Variants in IL1RAP observed in about 807,000 individuals in gnomAD.
The protein encoded by IL1RAP is interleukin 1 receptor accessory protein.
IL1RAP carries 35 observed loss-of-function variants against 60.7 expected under a neutral mutation model. That is an observed-to-expected ratio of 0.58 (90% CI 0.44 to 0.76). The LOEUF is 0.76. Among genes scored for constraint, IL1RAP ranks in the 30% least tolerant of loss-of-function variants. The pLI, the probability that IL1RAP is intolerant of heterozygous loss-of-function variation, is 0.00. For missense variants in IL1RAP, 572 were observed against 693.9 expected (o/e 0.82, Z 1.97); for synonymous variants, 268 against 250.9 (o/e 1.07, Z -0.64).
At chr3:190,639,313 T>C (rs1355472159) in intron 9 of IL1RAP, among the ~76,000 whole-genome samples, 2 of 152,210 alleles carry the variant, frequency 1.3e-5, no homozygotes, top group Admixed American at 1.3e-4. Flanking sequence ...CTGATCTCGT[T>C]ATTTTTATTT....
rs891726438 is a variant in IL1RAP, at chr3:190,555,921, GATCTGTCT to G, written c.-88-204_-88-197del. 5.3e-5 allele frequency: 6 copies of G among 113,390 alleles called. No individual in the cohort carries two copies. In the Admixed American group the frequency reaches 5.7e-4, roughly 11 times the overall value. The allele number at this position is 113,390 out of a possible 1,614,324, so 7.0% of individuals were successfully genotyped here. The stretch of plus-strand genomic sequence containing the variant: ...AAAATTATATATATAGATAGATAGA[GATCTGTCT>G]ATCTATCTATCTATCTATCTATCTA... On this transcript the variant is annotated intron_variant, in intron 1 of 11. Transcript: ENST00000447382.
At chr3:190,610,345 AAGAATT>A (rs1367120808) in intron 5 of IL1RAP, among the ~76,000 whole-genome samples, 2 of 152,200 alleles carry the variant, frequency 1.3e-5, no homozygotes, top group African/African-American at 2.4e-5. Context: ...AAAGAATAAT[AAGAATT>A]AGAAATATCC....
chr3:190,521,999 G>A (rs1722062608), intron 1 of IL1RAP, among the ~76,000 whole-genome samples: 1 of 152,140 alleles, frequency 6.6e-6, no homozygotes, highest in Non-Finnish European at 1.5e-5. Context: ...GCCCACAGAA[G>A]AGGCTTGACT....
downstream of IL1RAP, chr3:190,656,132 A>T: frequency 3.3e-6 from 5 of 1,537,328 alleles, no homozygotes; most frequent in Non-Finnish European, 4.4e-6. Flanking sequence ...GAAAAGTCCA[A>T]ACATTCTGGC....
At position 190,604,249 on chromosome 3, in the gene IL1RAP, T is replaced by C. The variant is rs759884652; in HGVS notation, c.186T>C (p.His62=). The change falls in exon 4 of 12, where the codon CAT becomes CAC. Residue 62 remains histidine, a synonymous_variant. Transcript: ENST00000447382. ...TGAAATTCAACTACAGCACAGCCCA[T>C]TCAGCTGGCCTTACTCTGATCTGGT... The part of the protein sequence containing the change: ...HFLKFNYSTA[H]SAGLTLIWYW... 5 of 1,614,046 alleles carry C rather than the reference T, an allele frequency of 3.1e-6. No homozygotes were observed. Among genetic ancestry groups the C allele is most frequent in the Non-Finnish European group, 4.2e-6 (5 of 1,179,982 alleles).
At chr3:190,574,053 A>G (rs903911736) in intron 3 of IL1RAP, among the ~76,000 whole-genome samples, 1 of 152,216 alleles carries the variant, frequency 6.6e-6, no homozygotes, top group Non-Finnish European at 1.5e-5. Flanking sequence ...TTTAAGATGC[A>G]CTGTCATTTA....
chr3:190,608,325 A>G (rs1160994743), intron 4 of IL1RAP, among the ~76,000 whole-genome samples: 1 of 152,168 alleles, frequency 6.6e-6, no homozygotes, highest in Admixed American at 6.6e-5. Flanking sequence ...GTAGGCAATT[A>G]TCACACAGTG....
At chr3:190,536,664 T>C (rs1043730963) in intron 1 of IL1RAP, among the ~76,000 whole-genome samples, 5 of 152,178 alleles carry the variant, frequency 3.3e-5, no homozygotes, top group South Asian at 2.1e-4. Flanking sequence ...GACAATGTAA[T>C]CATATTTAGC....
intron 2 of IL1RAP, among the ~76,000 whole-genome samples, chr3:190,563,029 G>A (rs1024500059): frequency 2.0e-5 from 3 of 152,102 alleles, no homozygotes; most frequent in African/African-American, 4.8e-5. Flanking sequence ...GAGAGGTGAC[G>A]GGAGTTGGAA....
intron 3 of IL1RAP, among the ~76,000 whole-genome samples, chr3:190,572,881 T>TTTTTTTTTTGG (rs1727083010): frequency 1.3e-5 from 1 of 76,126 alleles, no homozygotes. Context: ...TTTTTTTTTT[T>TTTTTTTTTTGG]GAGACGGAGT....
At chr3:190,589,045 CAG>C (rs951176140) in intron 3 of IL1RAP, among the ~76,000 whole-genome samples, 7 of 152,172 alleles carry the variant, frequency 4.6e-5, no homozygotes, top group African/African-American at 1.7e-4. Context: ...CCTCTGGTGT[CAG>C]AGCCTGATCT....
At chr3:190,639,428 A>C (rs527429852) in intron 9 of IL1RAP, among the ~76,000 whole-genome samples, 2 of 152,106 alleles carry the variant, frequency 1.3e-5, no homozygotes, top group Non-Finnish European at 2.9e-5. Flanking sequence ...TTATTTCAGA[A>C]TTGTATCTTT....
At chr3:190,568,146 G>A (rs1453717949) in intron 3 of IL1RAP, among the ~76,000 whole-genome samples, 1 of 152,136 alleles carries the variant, frequency 6.6e-6, no homozygotes, top group East Asian at 1.9e-4. Context: ...GCACACACAC[G>A]GATCTTTGAG....
At chr3:190,656,269 C>T (rs375088738), downstream of IL1RAP, 427 of 1,537,042 alleles carry the variant, frequency 2.8e-4, no homozygotes, top group Non-Finnish European at 3.6e-4. Context: ...GAGGAGAAGT[C>T]GTTTGAAAGA....
chr3:190,628,470 C>T (rs972101963), intron 8 of IL1RAP, among the ~76,000 whole-genome samples: 3 of 152,154 alleles, frequency 2.0e-5, no homozygotes, highest in African/African-American at 7.2e-5. Context: ...TAACCAAATT[C>T]TCATACCTGA....
chr3:190,572,479 T>G (rs1351848766), intron 3 of IL1RAP, among the ~76,000 whole-genome samples: 1 of 151,766 alleles, frequency 6.6e-6, no homozygotes. Flanking sequence ...AAAAGAGAGA[T>G]AGTAGGAAAA....
intron 1 of IL1RAP, among the ~76,000 whole-genome samples, chr3:190,524,467 G>T (rs1229631214): frequency 6.6e-6 from 1 of 152,084 alleles, no homozygotes; most frequent in African/African-American, 2.4e-5. Flanking sequence ...TTGTCTTCCA[G>T]GGTTTTAAGT....
chr3:190,527,826 TACACACACACACACACACAC>T (rs10602405), intron 1 of IL1RAP, among the ~76,000 whole-genome samples: 4 of 139,622 alleles, frequency 2.9e-5, no homozygotes, highest in African/African-American at 8.0e-5. Context: ...AGGAAAGGTC[TACACACACACACACACACAC>T]ACACACACAC....
At position 190,572,275 on chromosome 3, in the gene IL1RAP, A is replaced by G; in HGVS notation, c.64+7922A>G. Among the ~76,000 whole-genome samples, 2 of 152,088 alleles carry G rather than the reference A, an allele frequency of 1.3e-5. 1 individual carries two copies. ...ATTTTCAATGTTTTTTGAATTTTTA[A>G]ATTTATCTGGTCATCTAGAGAAAAC... On this transcript the variant is annotated intron_variant, in intron 3 of 11. Coordinates refer to ENST00000447382, the MANE Select transcript of IL1RAP (RefSeq NM_002182.4).
Sources: allele counts gnomAD v4.1 joint callset (sites outside exome capture counted in the v4.1 genomes callset), GRCh38; gene constraint gnomAD v4.1.1; transcripts MANE v1.5; gene names NCBI Gene and HGNC (gene_info 2026-07-23, HGNC 2026-07-21).